Variants in ZNF284 observed in about 807,000 individuals in gnomAD.
ZNF284 encodes the protein zinc finger protein 284.
In ZNF284, 12 loss-of-function variants were observed where a neutral mutation model predicts 12.9. The observed-to-expected ratio is 0.93, with a 90% CI of 0.60 to 1.51. The LOEUF (loss-of-function observed/expected upper bound fraction) is 1.51. ZNF284 is among the 40% of genes most tolerant of loss of function. The pLI is 0.00. For synonymous variants in ZNF284, 225 were observed against 236.5 expected, an observed-to-expected ratio of 0.95 and a Z score of 0.45; for missense variants, 667 against 707.3, an observed-to-expected ratio of 0.94 and a Z score of 0.65.
chr19:44,080,349 C>T (rs150394538), intron 2 of ZNF284, among the ~76,000 whole-genome samples: 2 of 152,300 alleles, frequency 1.3e-5, no homozygotes, highest in African/African-American at 2.4e-5. Context: ...GTAATCCCAG[C>T]GCTTTGGGAG....
chr19:44,086,745 G>A lies in ZNF284; in HGVS notation c.1267G>A (p.Glu423Lys). The change falls in exon 5 of 5, where the codon GAA becomes AAA. Residue 423 changes from glutamate to lysine, a missense_variant. Transcript: ENST00000421176. ...QGHSHQRAYR[E>K]EELYKCQKCG... is the part of the protein sequence containing the mutation. ...CCATTCACATCAGAGAGCCTATAGA[G>A]AAGAAGAACTGTATAAATGTCAGAA... 6 of 1,614,088 alleles carry A rather than the reference G, an allele frequency of 3.7e-6. No homozygotes were observed. Among genetic ancestry groups the A allele is most frequent in the Non-Finnish European group, 5.1e-6 (6 of 1,179,996 alleles).
At position 44,087,728 on chromosome 19, in the gene ZNF284, A is replaced by G. The variant is rs1234903693; in HGVS notation, c.*468A>G. 4 of 145,276 alleles carry G rather than the reference A, an allele frequency of 2.8e-5. No homozygotes were observed. The highest frequency in any genetic ancestry group is 5.9e-5 in the Non-Finnish European group (4 of 67,324). The allele number at this position is 145,276 out of a possible 1,614,324, so 9.0% of individuals were successfully genotyped here. On this transcript the variant is annotated 3_prime_UTR_variant, in exon 5 of 5. Coordinates refer to ENST00000421176, the MANE Select transcript of ZNF284 (RefSeq NM_001037813.4). ...TGCCTAAACCTCCTGAGTAGCAGGG[A>G]TTACAGGCACGCACCACCACGCCCA...
chr19:44,078,309 T>A (rs1967066361), intron 2 of ZNF284, among the ~76,000 whole-genome samples: 1 of 152,256 alleles, frequency 6.6e-6, no homozygotes, highest in African/African-American at 2.4e-5. Flanking sequence ...AATTTGATAA[T>A]CTGCTTTTGG....
In ZNF284 at chr19:44,085,828, C is replaced by G. The variant is rs1158717092; in HGVS notation, c.350C>G (p.Ser117Cys). The G allele has an allele frequency of 1.9e-6, 3 of 1,593,694 alleles. No homozygotes were observed. The highest frequency in any genetic ancestry group is 1.1e-5 in the South Asian group (1 of 89,792). The change falls in exon 5 of 5, where the codon TCC becomes TGC. Residue 117 changes from serine (S) to cysteine (C), a missense_variant. By Grantham distance (112) the Ser-to-Cys change is moderately radical. Transcript: ENST00000421176. ...TASELTRPQD[S>C]ISSSQFSTQG... Reference sequence around the variant, plus strand: ...AGTGAGTTAACTAGACCTCAAGACTCCATAAGTAGCTCTCAGTTCTCCACA... The same window carrying G: ...AGTGAGTTAACTAGACCTCAAGACTGCATAAGTAGCTCTCAGTTCTCCACA...
chr19:44,081,626 G>A (rs2147501923), intron 3 of ZNF284, among the ~76,000 whole-genome samples: 1 of 152,194 alleles, frequency 6.6e-6, no homozygotes, highest in Non-Finnish European at 1.5e-5. Flanking sequence ...GCGGGTAAAT[G>A]GCGTGAACCT....
chr19:44,078,524 T>A (rs1292000641), intron 2 of ZNF284, among the ~76,000 whole-genome samples: 2 of 152,206 alleles, frequency 1.3e-5, no homozygotes, highest in East Asian at 3.8e-4. Context: ...AGTACAGTGA[T>A]GTAAGTGTAG....
At position 44,085,772 on chromosome 19, in the gene ZNF284, G is replaced by T; in HGVS notation, c.294G>T (p.Trp98Cys). Residue 98 changes from tryptophan to cysteine, a missense_variant, in exon 5 of 5, where the codon TGG becomes TGT. Transcript: ENST00000421176. ...CAGAAACAGGACCACATGAAGAGTG[G>T]TCTTGCCAGCAAATCTGGGAACAAA... ...SVPETGPHEEWSCQQIWEQTA... is the reference protein window; with the variant it reads ...SVPETGPHEECSCQQIWEQTA... 2.5e-6 allele frequency: 4 copies of T among 1,614,166 alleles called. No homozygotes were observed. The highest frequency in any genetic ancestry group is 3.4e-6 in the Non-Finnish European group (4 of 1,180,028).
In ZNF284 at chr19:44,085,746, C is replaced by A. The variant is rs1377992333; in HGVS notation, c.268C>A (p.Pro90Thr). Residue 90 changes from proline (P) to threonine (T), a missense_variant, in exon 5 of 5, where the codon CCA (proline) becomes ACA (threonine). Physicochemically the swap from Pro to Thr is conservative, Grantham distance 38. Coordinates refer to ENST00000421176, the MANE Select transcript of ZNF284 (RefSeq NM_001037813.4). ...GKIQTELESV[P>T]ETGPHEEWSC... Reference sequence around the variant, plus strand: ...GATCCAAACTGAGTTGGAGTCTGTTCCAGAAACAGGACCACATGAAGAGTG... The same window carrying A: ...GATCCAAACTGAGTTGGAGTCTGTTACAGAAACAGGACCACATGAAGAGTG... The A allele has an allele frequency of 2.2e-5, 36 of 1,613,682 alleles. No homozygotes were observed. Among genetic ancestry groups the A allele is most frequent in the Non-Finnish European group, 3.0e-5 (35 of 1,179,746 alleles).
Position 44,088,794 on chromosome 19 carries a change from T to G in ZNF284, c.*1534T>G, listed in dbSNP as rs530051687. Reference sequence around the variant, plus strand: ...TCAAACTGGTTGTACCACTATAAACTCTGACCATTATTAGGCAAGAATTGG... The same window carrying G: ...TCAAACTGGTTGTACCACTATAAACGCTGACCATTATTAGGCAAGAATTGG... On this transcript the variant is annotated 3_prime_UTR_variant, in exon 5 of 5. Transcript: ENST00000421176. The G allele has an allele frequency of 6.6e-6, 1 of 151,662 alleles. No homozygotes were observed. Among genetic ancestry groups the G allele is most frequent in the Admixed American group, 6.6e-5 (1 of 15,220 alleles). The allele number at this position is 151,662 out of a possible 1,614,324, so 9.4% of individuals were successfully genotyped here.
At chr19:44,083,474 T>TATATATATAGAGAGAGAGAG (rs746837013) in intron 4 of ZNF284, among the ~76,000 whole-genome samples, 2 of 64,924 alleles carry the variant, frequency 3.1e-5, no homozygotes, top group South Asian at 6.8e-4. Flanking sequence ...TATATATATA[T>TATATATATAGAGAGAGAGAG]AGAGAGAGAG....
intron 2 of ZNF284, among the ~76,000 whole-genome samples, chr19:44,076,860 C>T (rs535001656): frequency 1.1e-4 from 16 of 151,424 alleles, no homozygotes; most frequent in African/African-American, 3.9e-4. Flanking sequence ...TGCTCTGTTG[C>T]CCAGACTGGA....
At chr19:44,077,197 T>C (rs183836921) in intron 2 of ZNF284, among the ~76,000 whole-genome samples, 21 of 152,288 alleles carry the variant, frequency 1.4e-4, no homozygotes, top group Non-Finnish European at 2.5e-4. Context: ...ATGTGCCACG[T>C]TGGTTGTTTT....
chr19:44,086,436 T>A lies in ZNF284; in HGVS notation c.958T>A (p.Cys320Ser), dbSNP rs940012961. The A allele has an allele frequency of 1.2e-6, 2 of 1,614,082 alleles. No individual in the cohort carries two copies. The highest frequency in any genetic ancestry group is 2.2e-5 in the East Asian group (1 of 44,880). The change falls in exon 5 of 5, where the codon TGT becomes AGT. Residue 320 changes from cysteine to serine, a missense_variant. Transcript: ENST00000421176. ...AGAGAAATCATTTAGATGTGATACC[T>A]GTAGTAATAGCTTTGGTCAGAGATC... ...MQEKSFRCDTCSNSFGQRSAL... is the reference protein window; with the variant it reads ...MQEKSFRCDTSSNSFGQRSAL...
At position 44,086,485 on chromosome 19, in the gene ZNF284, A is replaced by G. The variant is rs778860240; in HGVS notation, c.1007A>G (p.Asp336Gly). Residue 336 changes from aspartate to glycine, a missense_variant, in exon 5 of 5, where the codon GAC becomes GGC. Asp to Gly is a moderately conservative substitution (Grantham distance 94). Transcript: ENST00000421176. ...QRSALNSHCM[D>G]HTKEKLYKCE... ...TCAGCACTTAATAGTCATTGCATGG[A>G]CCACACAAAAGAGAAACTATACAAA... 6.2e-7 allele frequency: 1 copy of G among 1,614,066 alleles called. No homozygotes were observed. Among genetic ancestry groups the G allele is most frequent in the Non-Finnish European group, 8.5e-7 (1 of 1,180,036 alleles).
In ZNF284 at chr19:44,087,172, A is replaced by C. The variant is rs909903965; in HGVS notation, c.1694A>C (p.Lys565Thr). 3 of 1,613,880 alleles carry C rather than the reference A, an allele frequency of 1.9e-6. No individual in the cohort carries two copies. The highest frequency in any genetic ancestry group is 2.5e-6 in the Non-Finnish European group (3 of 1,179,880). Residue 565 changes from lysine to threonine, a missense_variant, in exon 5 of 5, where the codon AAA becomes ACA. Physicochemically the swap from Lys to Thr is moderately conservative, Grantham distance 78. Transcript: ENST00000421176. ...CAACAAAGCGACCACAGTGGAGAAA[A>C]AACATCCAAATGTGAGGACTGTGGG... ...QDQQSDHSGE[K>T]TSKCEDCGKR...
chr19:44,073,975 G>A (rs1412652802), intron 1 of ZNF284, among the ~76,000 whole-genome samples: 1 of 152,172 alleles, frequency 6.6e-6, no homozygotes, highest in Non-Finnish European at 1.5e-5. Context: ...ACACTGCCAA[G>A]AGGGAAATAG....
chr19:44,086,795 G>A lies in ZNF284; in HGVS notation c.1317G>A (p.Lys439=). The A allele has an allele frequency of 6.2e-7, 1 of 1,614,144 alleles. No homozygotes were observed. Among genetic ancestry groups the A allele is most frequent in the Non-Finnish European group, 8.5e-7 (1 of 1,180,032 alleles). Residue 439 remains lysine, a synonymous_variant, in exon 5 of 5, where the codon AAG becomes AAA. Coordinates refer to ENST00000421176, the MANE Select transcript of ZNF284 (RefSeq NM_001037813.4). ...CQKCGKGYIS[K]FNLDLHQRVH... Reference sequence around the variant, plus strand: ...AGTGTGGGAAGGGCTACATTAGTAAGTTTAATCTTGACTTGCACCAGAGGG... The same window carrying A: ...AGTGTGGGAAGGGCTACATTAGTAAATTTAATCTTGACTTGCACCAGAGGG...
intron 2 of ZNF284, among the ~76,000 whole-genome samples, chr19:44,077,492 C>T (rs1226098232): frequency 6.6e-6 from 1 of 151,202 alleles, no homozygotes; most frequent in Admixed American, 6.6e-5. Flanking sequence ...TGATAATGCC[C>T]AGGGTTCTCG....
chr19:44,086,491 C>G lies in ZNF284; in HGVS notation c.1013C>G (p.Thr338Arg). ...SALNSHCMDH[T>R]KEKLYKCEEC... is the part of the protein sequence containing the mutation. ...CTTAATAGTCATTGCATGGACCACA[C>G]AAAAGAGAAACTATACAAATGTGAA... The change falls in exon 5 of 5, where the codon ACA becomes AGA. Residue 338 changes from threonine to arginine, a missense_variant. Transcript: ENST00000421176. 1 of 1,614,158 alleles carries G rather than the reference C, an allele frequency of 6.2e-7. No individual in the cohort carries two copies. Among genetic ancestry groups the G allele is most frequent in the Non-Finnish European group, 8.5e-7 (1 of 1,180,032 alleles).
Sources: allele counts gnomAD v4.1 joint callset (sites outside exome capture counted in the v4.1 genomes callset), GRCh38; gene constraint gnomAD v4.1.1; transcripts MANE v1.5; gene names NCBI Gene and HGNC (gene_info 2026-07-23, HGNC 2026-07-21).